PPP3CA: variants seen among roughly 807,000 people sequenced by gnomAD.
PPP3CA encodes the protein protein phosphatase 3 catalytic subunit alpha.
In PPP3CA, 14 loss-of-function variants were observed where a neutral mutation model predicts 66.5. The observed-to-expected ratio is 0.21, with a 90% CI of 0.14 to 0.33. The LOEUF is 0.33. Among genes scored for constraint, PPP3CA ranks in the 10% least tolerant of loss-of-function variants. The probability of loss-of-function intolerance (pLI) is 1.00; values close to 1 mark genes in which losing one functional copy is unlikely to be tolerated. For missense variants in PPP3CA, 317 were observed against 639.5 expected, an observed-to-expected ratio of 0.50 and a Z score of 5.44; for synonymous variants, 232 against 226.2, an observed-to-expected ratio of 1.03 and a Z score of -0.23.
intron 2 of PPP3CA, among the ~76,000 whole-genome samples, chr4:101,174,094 C>T (rs975674509): frequency 6.6e-6 from 1 of 151,822 alleles, no homozygotes; most frequent in African/African-American, 2.4e-5. Flanking sequence ...CTACGCCCCC[C>T]CCACCCCGCC....
At chr4:101,320,051 A>G (rs1227497006) in intron 1 of PPP3CA, among the ~76,000 whole-genome samples, 2 of 152,170 alleles carry the variant, frequency 1.3e-5, no homozygotes, top group African/African-American at 2.4e-5. Context: ...AGGGACAACA[A>G]GCCAAAATAT....
chr4:101,191,741 T>G (rs1366097040), intron 2 of PPP3CA, among the ~76,000 whole-genome samples: 1 of 152,172 alleles, frequency 6.6e-6, no homozygotes, highest in East Asian at 1.9e-4. Flanking sequence ...TTCTCCTAAT[T>G]GACGTCAGCT....
chr4:101,206,774 T>C (rs1470068183), intron 1 of PPP3CA, among the ~76,000 whole-genome samples: 3 of 152,188 alleles, frequency 2.0e-5, no homozygotes, highest in Non-Finnish European at 4.4e-5. Context: ...AATACTTCTG[T>C]GGTACTAGAA....
intron 6 of PPP3CA, among the ~76,000 whole-genome samples, chr4:101,088,300 G>C (rs893885583): frequency 1.3e-5 from 2 of 152,046 alleles, no homozygotes; most frequent in African/African-American, 4.8e-5. Flanking sequence ...ACTTAGTAGA[G>C]AGAGGCCAGG....
intron 2 of PPP3CA, among the ~76,000 whole-genome samples, chr4:101,189,677 T>C (rs1251160684): frequency 1.7e-5 from 2 of 120,370 alleles, no homozygotes; most frequent in African/African-American, 3.9e-5. Flanking sequence ...GTGTTTATGA[T>C]AGTGAACGGC....
intron 8 of PPP3CA, among the ~76,000 whole-genome samples, chr4:101,067,015 CTT>C (rs941241823): frequency 3.3e-5 from 5 of 152,158 alleles, no homozygotes; most frequent in African/African-American, 1.2e-4. Context: ...CACATGACCT[CTT>C]GTCACTTAAC....
At chr4:101,206,640 T>G (rs1725138702) in intron 1 of PPP3CA, among the ~76,000 whole-genome samples, 1 of 152,130 alleles carries the variant, frequency 6.6e-6, no homozygotes, top group South Asian at 2.1e-4. Context: ...ACAGAATAAT[T>G]AAGTACAAGG....
intron 1 of PPP3CA, among the ~76,000 whole-genome samples, chr4:101,302,846 C>T (rs1442842129): frequency 6.6e-6 from 1 of 152,194 alleles, no homozygotes; most frequent in East Asian, 1.9e-4. Flanking sequence ...CAACCTCTGC[C>T]TTTTAAGAGT....
intron 10 of PPP3CA, 115 bp from the exon 11 acceptor site, chr4:101,040,681 C>T (rs552724402): frequency 7.0e-4 from 465 of 661,456 alleles, no homozygotes; most frequent in Non-Finnish European, 9.1e-4. Flanking sequence ...TTTTTTTTTT[C>T]CCCCTTAAGA....
At chr4:101,280,936 G>A (rs769919922) in intron 1 of PPP3CA, among the ~76,000 whole-genome samples, 1 of 151,972 alleles carries the variant, frequency 6.6e-6, no homozygotes, top group African/African-American at 2.4e-5. Flanking sequence ...TGGTTAAATG[G>A]TTAGAGACTG....
At chr4:101,128,722 C>T (rs1722327866) in intron 2 of PPP3CA, among the ~76,000 whole-genome samples, 1 of 152,100 alleles carries the variant, frequency 6.6e-6, no homozygotes, top group Non-Finnish European at 1.5e-5. Context: ...GGCCCAGATA[C>T]TACGCTTTCC....
At chr4:101,330,276 A>T in intron 1 of PPP3CA, 1 of 433,810 alleles carries the variant, frequency 2.3e-6, no homozygotes, top group South Asian at 1.7e-5. Context: ...GATAGGACTG[A>T]CTTGGTGCAA....
At chr4:101,037,851 C>T (rs1727320542) in intron 11 of PPP3CA, among the ~76,000 whole-genome samples, 1 of 152,122 alleles carries the variant, frequency 6.6e-6, no homozygotes, top group African/African-American at 2.4e-5. Flanking sequence ...CCTCACTCAC[C>T]TTCATGTCTT....
intron 1 of PPP3CA, among the ~76,000 whole-genome samples, chr4:101,284,519 A>C (rs996668288): frequency 6.6e-6 from 1 of 152,236 alleles, no homozygotes; most frequent in Non-Finnish European, 1.5e-5. Context: ...AAGATAAAAA[A>C]GATACCAACT....
intron 1 of PPP3CA, among the ~76,000 whole-genome samples, chr4:101,196,320 A>T (rs1724791096): frequency 6.6e-6 from 1 of 152,240 alleles, no homozygotes; most frequent in Non-Finnish European, 1.5e-5. Context: ...TGATTGCTTA[A>T]ACAAAATTGA....
chr4:101,275,555 C>T (rs576847226), intron 1 of PPP3CA, among the ~76,000 whole-genome samples: 1 of 152,264 alleles, frequency 6.6e-6, no homozygotes, highest in South Asian at 2.1e-4. Flanking sequence ...ATACACGAGG[C>T]TTATCTGAGA....
chr4:101,278,676 T>G (rs1727588077), intron 1 of PPP3CA, among the ~76,000 whole-genome samples: 1 of 152,238 alleles, frequency 6.6e-6, no homozygotes, highest in Non-Finnish European at 1.5e-5. Context: ...AGGGTTTGCG[T>G]GGGCAGTCCC....
intron 1 of PPP3CA, among the ~76,000 whole-genome samples, chr4:101,196,492 T>A (rs1724796957): frequency 6.6e-6 from 1 of 152,168 alleles, no homozygotes. Context: ...AAGATGGGTC[T>A]CCACTAGAAA....
intron 1 of PPP3CA, among the ~76,000 whole-genome samples, chr4:101,248,945 A>G (rs13123418): frequency 0.66 from 100,242 of 151,042 alleles, 34,170 homozygotes; most frequent in Middle Eastern, 0.75. Context: ...TGGATCATGA[A>G]GTCAGGAGAT....
Sources: gnomAD v4.1 joint callset for allele counts (sites outside exome capture counted in the v4.1 genomes callset) on GRCh38, gnomAD v4.1.1 for gene constraint, MANE v1.5 for transcripts, NCBI Gene and HGNC (gene_info 2026-07-23, HGNC 2026-07-21) for gene names.